The following SMCO4 variants were observed in gnomAD, a reference collection of about 807,000 sequenced individuals.
SMCO4 encodes single-pass membrane and coiled-coil domain-containing protein 4.
Under a neutral mutation model 3.6 loss-of-function variants are expected in SMCO4, and 4 were observed. The observed-to-expected ratio is 1.11, with a 90% CI of 0.54 to 2.53. The LOEUF (loss-of-function observed/expected upper bound fraction) is 2.53. Ranked by LOEUF, SMCO4 falls within the 30% of genes most tolerant of loss-of-function variation. The pLI, the probability that SMCO4 is intolerant of heterozygous loss-of-function variation, is 0.02. For missense variants in SMCO4, 70 were observed against 80.8 expected (o/e 0.87, Z 0.51); for synonymous variants, 36 against 35.3 (o/e 1.02, Z -0.07).
At chr11:93,484,181 T>A (rs1948622560) in intron 2 of SMCO4, among the ~76,000 whole-genome samples, 1 of 152,174 alleles carries the variant, frequency 6.6e-6, no homozygotes. Flanking sequence ...TGGTCCCCAG[T>A]ATGTGTGGGC....
chr11:93,532,935 G>T (rs1949177348), intron 1 of SMCO4, among the ~76,000 whole-genome samples: 1 of 152,148 alleles, frequency 6.6e-6, no homozygotes, highest in Non-Finnish European at 1.5e-5. Context: ...CAGGATTTTG[G>T]CTCCTTCTGT....
chr11:93,509,297 G>GAAAAAAAA (rs34599036), intron 1 of SMCO4, among the ~76,000 whole-genome samples: 1 of 140,584 alleles, frequency 7.1e-6, no homozygotes, highest in Admixed American at 7.2e-5. Context: ...CTCAAAAATG[G>GAAAAAAAA]AAAAAAAAAA....
chr11:93,512,310 T>A (rs190644550), intron 1 of SMCO4, among the ~76,000 whole-genome samples: 1 of 152,330 alleles, frequency 6.6e-6, no homozygotes, highest in East Asian at 1.9e-4. Flanking sequence ...TATTGTCCAA[T>A]GATGTCATGG....
rs991907744 is a variant in SMCO4 at position 93,478,756 on chromosome 11, C to T, written c.*254G>A. On this transcript the variant is annotated 3_prime_UTR_variant, in exon 3 of 3. Transcript: ENST00000298966. ...ACACACACACACACACACACACATG[C>T]GCGCGCGCTTTGAAGTCTGAAAGGC... The T allele has an allele frequency of 3.6e-5, 33 of 914,132 alleles. 1 individual carries two copies. Among genetic ancestry groups the T allele is most frequent in the East Asian group, 1.8e-4 (5 of 28,152 alleles). 56.6% of individuals were successfully genotyped at this position (914,132 alleles called of 1,614,324 possible).
intron 1 of SMCO4, among the ~76,000 whole-genome samples, chr11:93,520,139 C>T (rs967691597): frequency 2.6e-5 from 4 of 152,148 alleles, no homozygotes; most frequent in Admixed American, 6.5e-5. Flanking sequence ...TGGGGCAGAA[C>T]GTTTGTACTA....
chr11:93,549,878 T>G, the SMCO4 span, among the ~76,000 whole-genome samples: 3 of 152,206 alleles, frequency 2.0e-5, no homozygotes, highest in African/African-American at 7.2e-5. Flanking sequence ...ATAATAAAAA[T>G]GTCTTTTTCT....
At chr11:93,529,991 T>C (rs1164951138) in intron 1 of SMCO4, among the ~76,000 whole-genome samples, 2 of 152,244 alleles carry the variant, frequency 1.3e-5, no homozygotes, top group Non-Finnish European at 2.9e-5. Context: ...TCCTCTTGGA[T>C]GTTCCTCCCT....
At chr11:93,495,175 C>A (rs1948759962) in intron 2 of SMCO4, among the ~76,000 whole-genome samples, 2 of 151,998 alleles carry the variant, frequency 1.3e-5, no homozygotes, top group South Asian at 4.2e-4. Flanking sequence ...ACTTTCCATC[C>A]CCCAGGGTGA....
At chr11:93,512,676 C>T (rs778783383) in intron 1 of SMCO4, among the ~76,000 whole-genome samples, 11 of 152,306 alleles carry the variant, frequency 7.2e-5, no homozygotes, top group Non-Finnish European at 1.5e-4. Context: ...GACACATTGT[C>T]TAGGTGTGTA....
intron 1 of SMCO4, among the ~76,000 whole-genome samples, chr11:93,541,921 T>C (rs1949274043): frequency 6.6e-6 from 1 of 152,176 alleles, no homozygotes; most frequent in Non-Finnish European, 1.5e-5. Flanking sequence ...AGCTCTCTCT[T>C]TATACCCCAT....
Position 93,499,258 on chromosome 11 carries a change from T to G in SMCO4, c.-81+18A>C, listed in dbSNP as rs1348218880. ...CCTCTCCCCAGACAATGAGTTTCCCTTATAAGAGAATGTTTACCTTTTCTT... is the reference window on the plus strand; with the variant it reads ...CCTCTCCCCAGACAATGAGTTTCCCGTATAAGAGAATGTTTACCTTTTCTT... On this transcript the variant is annotated intron_variant, in intron 2 of 2. Transcript: ENST00000298966. 6.6e-6 allele frequency: 1 copy of G among 152,212 alleles called. No homozygotes were observed. The highest frequency in any genetic ancestry group is 1.5e-5 in the Non-Finnish European group (1 of 68,028). The allele number at this position is 152,212 out of a possible 1,614,324, so 9.4% of individuals were successfully genotyped here. A position where few individuals can be genotyped will look rare whatever the true frequency, so the allele number is the denominator to read the frequency against.
chr11:93,504,880 G>A (rs1197629420), intron 1 of SMCO4, among the ~76,000 whole-genome samples: 1 of 152,196 alleles, frequency 6.6e-6, no homozygotes, highest in Non-Finnish European at 1.5e-5. Flanking sequence ...GGAAATGCAT[G>A]TGAAATGATT....
rs1020173106 is a variant in SMCO4 at position 93,535,407 on chromosome 11, C to T, written c.-154+7869G>A. ...GATCTCAGCAATAAGAATCAAGAAG[C>T]CAAATAACCAGTTCTCACTGCTAGG... On this transcript the variant is annotated intron_variant, in intron 1 of 2. Coordinates refer to ENST00000298966, the MANE Select transcript of SMCO4 (RefSeq NM_020179.3). The T allele has an allele frequency of 4.2e-6, 4 of 960,376 alleles. No individual in the cohort carries two copies. The Admixed American group carries it at 9.5e-5, about 23-fold the overall frequency. 59.5% of individuals were successfully genotyped at this position (960,376 alleles called of 1,614,324 possible).
intron 1 of SMCO4, among the ~76,000 whole-genome samples, chr11:93,529,489 C>T (rs1414835336): frequency 6.6e-6 from 1 of 152,102 alleles, no homozygotes; most frequent in Admixed American, 6.5e-5. Context: ...CAGATAACCT[C>T]CCCAAGCAGG....
At chr11:93,505,836 A>C (rs1948893515) in intron 1 of SMCO4, among the ~76,000 whole-genome samples, 1 of 150,064 alleles carries the variant, frequency 6.7e-6, no homozygotes, top group Non-Finnish European at 1.5e-5. Flanking sequence ...TTAAAAAAGA[A>C]AAATGTATTA....
intron 1 of SMCO4, among the ~76,000 whole-genome samples, chr11:93,502,066 C>T (rs1265308634): frequency 6.6e-6 from 1 of 152,012 alleles, no homozygotes; most frequent in Non-Finnish European, 1.5e-5. Flanking sequence ...TTCCCTTAGC[C>T]TTTCCCACGG....
At chr11:93,521,023 C>T (rs1949052780) in intron 1 of SMCO4, among the ~76,000 whole-genome samples, 1 of 152,224 alleles carries the variant, frequency 6.6e-6, no homozygotes, top group Admixed American at 6.5e-5. Flanking sequence ...TTTTAGGAAA[C>T]TGTTGTTTTT....
the SMCO4 span, among the ~76,000 whole-genome samples, chr11:93,549,045 G>A: frequency 9.9e-5 from 15 of 152,254 alleles, no homozygotes; most frequent in African/African-American, 1.2e-4. Context: ...GGGTTTTTCC[G>A]TTTGATTTGC....
At chr11:93,532,113 C>T (rs1258516482) in intron 1 of SMCO4, among the ~76,000 whole-genome samples, 3 of 152,068 alleles carry the variant, frequency 2.0e-5, no homozygotes, top group South Asian at 4.1e-4. Context: ...ATGTCACAGG[C>T]GCATGTCAAA....
Sources: allele counts gnomAD v4.1 joint callset (sites outside exome capture counted in the v4.1 genomes callset), GRCh38; gene constraint gnomAD v4.1.1; transcripts MANE v1.5; gene names NCBI Gene and HGNC (gene_info 2026-07-23, HGNC 2026-07-21).